Variants in NEXN observed in about 807,000 individuals in gnomAD.
NEXN encodes nexilin F-actin binding protein, also known as nexilin.
A neutral mutation model predicts 92.6 loss-of-function variants in NEXN; 65 were observed. The ratio of observed to expected loss-of-function variants is 0.70; its 90% CI spans 0.57 to 0.86. NEXN has a LOEUF of 0.86. NEXN is among the 40% of genes least tolerant of loss of function. NEXN has a pLI of 0.00. For missense variants in NEXN, 778 were observed against 771.1 expected (o/e 1.01, Z -0.11); for synonymous variants, 254 against 242.5 (o/e 1.05, Z -0.44).
At chr1:77,930,195 G>C (rs2102136044) in intron 9 of NEXN, among the ~76,000 whole-genome samples, 1 of 152,264 alleles carries the variant, frequency 6.6e-6, no homozygotes, top group Admixed American at 6.5e-5. Flanking sequence ...TCCTCTGTAT[G>C]GGTGAGCATC....
chr1:77,919,067 A>G (rs1490956062), intron 5 of NEXN, among the ~76,000 whole-genome samples: 2 of 152,246 alleles, frequency 1.3e-5, no homozygotes, highest in Non-Finnish European at 2.9e-5. Context: ...AGTCCTCAGA[A>G]TCATGGCGGG....
intron 1 of NEXN, among the ~76,000 whole-genome samples, chr1:77,896,754 G>A (rs571680460): frequency 6.6e-6 from 1 of 150,852 alleles, no homozygotes; most frequent in Non-Finnish European, 1.5e-5. Flanking sequence ...GCAAGACTCT[G>A]TCTAATTAAA....
At chr1:77,893,928 A>T (rs1222390760) in intron 1 of NEXN, among the ~76,000 whole-genome samples, 1 of 151,788 alleles carries the variant, frequency 6.6e-6, no homozygotes, top group African/African-American at 2.4e-5. Flanking sequence ...CCTGGGTTCA[A>T]GTGATTCTCT....
intron 5 of NEXN, among the ~76,000 whole-genome samples, chr1:77,921,415 G>C (rs1377433937): frequency 1.3e-5 from 2 of 152,170 alleles, no homozygotes; most frequent in African/African-American, 2.4e-5. Context: ...TATTCTCAAT[G>C]TCTGGCTTCT....
intron 5 of NEXN, among the ~76,000 whole-genome samples, chr1:77,922,057 C>A (rs1343109700): frequency 6.6e-6 from 1 of 152,008 alleles, no homozygotes; most frequent in Non-Finnish European, 1.5e-5. Flanking sequence ...CATGAACCAC[C>A]ATGTCCAGCC....
At chr1:77,911,965 G>A (rs145328018) in intron 1 of NEXN, among the ~76,000 whole-genome samples, 7,137 of 151,382 alleles carry the variant, frequency 0.047, 223 homozygotes, top group East Asian at 0.11. Flanking sequence ...TGTAGTCCCA[G>A]CTACTCAGGA....
chr1:77,920,877 T>C (rs958263388), intron 5 of NEXN, among the ~76,000 whole-genome samples: 1 of 152,114 alleles, frequency 6.6e-6, no homozygotes, highest in Admixed American at 6.6e-5. Context: ...TTTCATTTTT[T>C]ATAAAGCAAA....
chr1:77,890,047 GT>G (rs1647070159), intron 1 of NEXN, among the ~76,000 whole-genome samples: 1 of 152,140 alleles, frequency 6.6e-6, no homozygotes, highest in Non-Finnish European at 1.5e-5. Context: ...ATTCTTTTGA[GT>G]TTGGGGTATT....
intron 1 of NEXN, among the ~76,000 whole-genome samples, chr1:77,913,687 G>C (rs1052605456): frequency 3.6e-4 from 55 of 152,148 alleles, no homozygotes; most frequent in African/African-American, 1.3e-3. Flanking sequence ...TTCATTGCTG[G>C]TGGGAATGCA....
At chr1:77,918,622 T>C (rs1370371600) in intron 5 of NEXN, among the ~76,000 whole-genome samples, 1 of 144,928 alleles carries the variant, frequency 6.9e-6, no homozygotes, top group African/African-American at 2.6e-5. Flanking sequence ...GCCAAGATCA[T>C]GCCACTGGAC....
chr1:77,939,584 G>A (rs1571166113), intron 11 of NEXN, among the ~76,000 whole-genome samples: 1 of 152,066 alleles, frequency 6.6e-6, no homozygotes, highest in Non-Finnish European at 1.5e-5. Context: ...AAAATATGTA[G>A]GTAATAACAA....
chr1:77,920,935 A>C (rs1040657504), intron 5 of NEXN, among the ~76,000 whole-genome samples: 1 of 152,184 alleles, frequency 6.6e-6, no homozygotes, highest in Non-Finnish European at 1.5e-5. Flanking sequence ...AGTCAACACT[A>C]TACCTGAACT....
At chr1:77,920,476 C>G (rs1301276400) in intron 5 of NEXN, among the ~76,000 whole-genome samples, 2 of 152,020 alleles carry the variant, frequency 1.3e-5, no homozygotes, top group East Asian at 3.8e-4. Context: ...AAAATGAGAG[C>G]TGGACATGGT....
Position 77,929,296 on chromosome 1 carries a change from T to C in NEXN, c.865-20T>C. 1.3e-6 allele frequency: 2 copies of C among 1,487,624 alleles called. No homozygotes were observed. Among genetic ancestry groups the C allele is most frequent in the Non-Finnish European group, 1.9e-6 (2 of 1,065,602 alleles). The allele number at this position is 1,487,624 out of a possible 1,614,324, so 92.2% of individuals were successfully genotyped here. A position where few individuals can be genotyped will look rare whatever the true frequency, so the allele number is the denominator to read the frequency against. On this transcript the variant is annotated intron_variant, in intron 8 of 12. Transcript: ENST00000334785. ...TCTGATGAACCTCAATTCTTAGTAA[T>C]GAATTGTTTATTTGGTTAGGTAAAT...
intron 1 of NEXN, among the ~76,000 whole-genome samples, chr1:77,904,709 T>C (rs556640449): frequency 1.3e-5 from 2 of 152,320 alleles, no homozygotes; most frequent in African/African-American, 4.8e-5. Flanking sequence ...ATGGAAATCA[T>C]TGATCTTAGT....
In NEXN at chr1:77,929,405, A is replaced by G; in HGVS notation, c.954A>G (p.Glu318=). The G allele has an allele frequency of 6.2e-7, 1 of 1,613,916 alleles. No homozygotes were observed. The highest frequency in any genetic ancestry group is 1.1e-5 in the South Asian group (1 of 91,070). ...TCAAACTCAGTTTTGAAGAAATGGAAAGGCAAAGAAGAGAAGATGAAAAAA... is the reference window on the plus strand; with the variant it reads ...TCAAACTCAGTTTTGAAGAAATGGAGAGGCAAAGAAGAGAAGATGAAAAAA... ...GKLKLSFEEM[E]RQRREDEKRK... is the part of the protein sequence containing the mutation. The change falls in exon 9 of 13, where the codon GAA becomes GAG. Residue 318 remains glutamate (E), a synonymous_variant. Transcript: ENST00000334785.
intron 10 of NEXN, 24 bp from the exon 11 acceptor site, chr1:77,935,799 C>T: frequency 1.3e-6 from 2 of 1,598,410 alleles, no homozygotes; most frequent in Non-Finnish European, 1.7e-6. Context: ...ACAGCAGCAA[C>T]AAACTTATTA....
At chr1:77,915,212 C>T (rs1186063722) in intron 1 of NEXN, among the ~76,000 whole-genome samples, 1 of 151,982 alleles carries the variant, frequency 6.6e-6, no homozygotes, top group Non-Finnish European at 1.5e-5. Flanking sequence ...ACTTGGGAGG[C>T]TGAGGAAGGA....
At chr1:77,901,830 C>T (rs1314783838) in intron 1 of NEXN, among the ~76,000 whole-genome samples, 1 of 152,186 alleles carries the variant, frequency 6.6e-6, no homozygotes, top group Non-Finnish European at 1.5e-5. Flanking sequence ...ATTCAAACTC[C>T]TGGGATCAAA....
Sources: allele counts gnomAD v4.1 joint callset (sites outside exome capture counted in the v4.1 genomes callset), GRCh38; gene constraint gnomAD v4.1.1; transcripts MANE v1.5; gene names NCBI Gene and HGNC (gene_info 2026-07-23, HGNC 2026-07-21).